Variants in ASTN2 observed in about 807,000 individuals in gnomAD.
ASTN2 encodes the protein astrotactin 2.
In ASTN2, 54 loss-of-function variants were observed where a neutral mutation model predicts 139.8. The ratio of observed to expected loss-of-function variants is 0.39; its 90% CI spans 0.31 to 0.48. The LOEUF is 0.48. Ranked by LOEUF, ASTN2 falls within the 20% of genes least tolerant of loss-of-function variation. ASTN2 has a pLI of 0.95. For synonymous variants in ASTN2, 756 were observed against 719.5 expected, an observed-to-expected ratio of 1.05 and a Z score of -0.81; for missense variants, 1,565 against 1,725.1, an observed-to-expected ratio of 0.91 and a Z score of 1.64.
intron 10 of ASTN2, among the ~76,000 whole-genome samples, chr9:116,908,220 T>G (rs1834218100): frequency 6.6e-6 from 1 of 152,186 alleles, no homozygotes; most frequent in South Asian, 2.1e-4. Context: ...AAAAGGAGCT[T>G]GGATAAGACT....
At chr9:117,306,124 A>C (rs770005957) in intron 1 of ASTN2, among the ~76,000 whole-genome samples, 2 of 152,182 alleles carry the variant, frequency 1.3e-5, no homozygotes, top group Admixed American at 6.6e-5. Flanking sequence ...ACTAGAAATC[A>C]AGACATCTCA....
chr9:116,583,909 C>G (rs1370855072), intron 19 of ASTN2: 1 of 152,132 alleles, frequency 6.6e-6, no homozygotes, highest in Non-Finnish European at 1.5e-5. Context: ...TTGCCTGCCC[C>G]CAAACAAGAC....
intron 10 of ASTN2, among the ~76,000 whole-genome samples, chr9:116,893,734 T>C (rs770518327): frequency 3.3e-5 from 5 of 152,146 alleles, no homozygotes; most frequent in Admixed American, 2.0e-4. Context: ...TTAGTAATTA[T>C]TTCCCTTTAT....
chr9:116,507,503 G>A (rs576198676), intron 19 of ASTN2, among the ~76,000 whole-genome samples: 1 of 152,262 alleles, frequency 6.6e-6, no homozygotes, highest in South Asian at 2.1e-4. Context: ...TGTCCAGTTG[G>A]TGGGCAGCCT....
At chr9:117,279,590 C>G (rs981434535) in intron 2 of ASTN2, among the ~76,000 whole-genome samples, 5 of 152,186 alleles carry the variant, frequency 3.3e-5, no homozygotes, top group African/African-American at 1.2e-4. Flanking sequence ...AGTTCTGTCC[C>G]AAAGTCAACA....
chr9:116,659,069 C>A (rs1469984677), intron 16 of ASTN2, among the ~76,000 whole-genome samples: 1 of 152,082 alleles, frequency 6.6e-6, no homozygotes, highest in Non-Finnish European at 1.5e-5. Flanking sequence ...AGAATCAACA[C>A]ATATGTATAT....
At chr9:116,754,117 CG>C (rs1326150702) in intron 13 of ASTN2, among the ~76,000 whole-genome samples, 1 of 151,988 alleles carries the variant, frequency 6.6e-6, no homozygotes, top group Non-Finnish European at 1.5e-5. Flanking sequence ...CAGCTTCATC[CG>C]TGTCCCTGCA....
At chr9:116,631,584 G>A (rs1856747331) in intron 17 of ASTN2, among the ~76,000 whole-genome samples, 1 of 150,476 alleles carries the variant, frequency 6.6e-6, no homozygotes, top group South Asian at 2.1e-4. Context: ...AGAGAGAGGG[G>A]GATGAAAACA....
chr9:116,752,595 T>A (rs573252210), intron 13 of ASTN2, among the ~76,000 whole-genome samples: 1 of 152,176 alleles, frequency 6.6e-6, no homozygotes, highest in Non-Finnish European at 1.5e-5. Context: ...AAAGACACGC[T>A]ATAGACTGGG....
intron 10 of ASTN2, among the ~76,000 whole-genome samples, chr9:116,936,585 T>C (rs1452937737): frequency 6.6e-6 from 1 of 152,200 alleles, no homozygotes; most frequent in African/African-American, 2.4e-5. Flanking sequence ...TTGCTGAAAC[T>C]GCAAAAAGCA....
intron 1 of ASTN2, among the ~76,000 whole-genome samples, chr9:117,341,356 A>T (rs1422267612): frequency 6.6e-6 from 1 of 152,172 alleles, no homozygotes; most frequent in Non-Finnish European, 1.5e-5. Context: ...AGAGATGGAG[A>T]TACACAGACA....
intron 1 of ASTN2, among the ~76,000 whole-genome samples, chr9:117,326,346 T>A (rs1330155296): frequency 6.6e-6 from 1 of 152,154 alleles, no homozygotes; most frequent in African/African-American, 2.4e-5. Flanking sequence ...CAGAGCATGT[T>A]AATGGCAGAG....
intron 16 of ASTN2, among the ~76,000 whole-genome samples, chr9:116,668,286 G>T (rs1858993193): frequency 6.6e-6 from 1 of 150,622 alleles, no homozygotes. Context: ...CCGCCCCCCA[G>T]GTTCAAGCGA....
chr9:117,292,082 T>A (rs927317033), intron 1 of ASTN2, among the ~76,000 whole-genome samples: 5 of 152,124 alleles, frequency 3.3e-5, no homozygotes, highest in Admixed American at 6.5e-5. Context: ...GCAGCTCCAT[T>A]TTTTGTAAGG....
chr9:116,850,692 G>T (rs946933579), intron 11 of ASTN2, among the ~76,000 whole-genome samples: 4 of 152,146 alleles, frequency 2.6e-5, no homozygotes, highest in African/African-American at 9.7e-5. Context: ...CTGCCTAAAA[G>T]GTTCTCCTCT....
chr9:117,040,970 TA>T (rs1270767874), intron 5 of ASTN2, among the ~76,000 whole-genome samples: 1 of 152,192 alleles, frequency 6.6e-6, no homozygotes. Flanking sequence ...TTTTATAGGC[TA>T]GGGGGAAAAG....
chr9:117,113,611 G>T (rs577020694), intron 4 of ASTN2, among the ~76,000 whole-genome samples: 1 of 152,050 alleles, frequency 6.6e-6, no homozygotes, highest in African/African-American at 2.4e-5. Flanking sequence ...AGCCGAGATC[G>T]CACCATTGCG....
intron 2 of ASTN2, among the ~76,000 whole-genome samples, chr9:117,290,691 G>A (rs1335004847): frequency 6.6e-6 from 1 of 152,222 alleles, no homozygotes; most frequent in Non-Finnish European, 1.5e-5. Flanking sequence ...TTCAGGCTTA[G>A]TAGCCAGATA....
chr9:116,718,972 G>GTGTGTGTGTGTATATATATATATA (rs56991546), intron 16 of ASTN2, among the ~76,000 whole-genome samples: 12 of 100,042 alleles, frequency 1.2e-4, no homozygotes, highest in African/African-American at 4.6e-4. Flanking sequence ...ACCTGTATCT[G>GTGTGTGTGTGTATATATATATATA]TACATATATA....
Sources: gnomAD v4.1 joint callset for allele counts (sites outside exome capture counted in the v4.1 genomes callset) on GRCh38, gnomAD v4.1.1 for gene constraint, MANE v1.5 for transcripts, NCBI Gene and HGNC (gene_info 2026-07-23, HGNC 2026-07-21) for gene names.